MSANTD5: variants seen among roughly 807,000 people sequenced by gnomAD.
MSANTD5 encodes Myb/SANT DNA binding domain containing 5, also known as uncharacterized protein MSANTD5.
chr5:178,700,448 G>A (rs116784213), upstream of MSANTD5, among the ~76,000 whole-genome samples: 2,194 of 152,220 alleles, frequency 0.014, 57 homozygotes, highest in African/African-American at 0.051. Context: ...TTATTCTAAC[G>A]CTAGTCTGGC....
downstream of MSANTD5, among the ~76,000 whole-genome samples, chr5:178,691,558 T>A (rs1167751462): frequency 2.2e-5 from 3 of 136,112 alleles, 1 homozygote; most frequent in Non-Finnish European, 3.3e-5. Context: ...AAATTGTACC[T>A]CACAAAGTCT....
At chr5:178,699,512 A>G (rs1008336558), upstream of MSANTD5, among the ~76,000 whole-genome samples, 1 of 151,606 alleles carries the variant, frequency 6.6e-6, no homozygotes, top group Non-Finnish European at 1.5e-5. Flanking sequence ...CCTGGCTTCA[A>G]GCAATTCTCC....
At chr5:178,693,398 G>A (rs111342108), downstream of MSANTD5, among the ~76,000 whole-genome samples, 179 of 151,860 alleles carry the variant, frequency 1.2e-3, 3 homozygotes, top group Non-Finnish European at 4.6e-4. Context: ...ATGTACCTTC[G>A]CGGTGAGTGT....
chr5:178,706,199 A>C, the MSANTD5 span, among the ~76,000 whole-genome samples: 1 of 152,078 alleles, frequency 6.6e-6, no homozygotes, highest in Non-Finnish European at 1.5e-5. Context: ...CCAACATTGG[A>C]CTTCTGGGAT....
At chr5:178,700,418 T>C (rs1440096886), upstream of MSANTD5, among the ~76,000 whole-genome samples, 1 of 152,176 alleles carries the variant, frequency 6.6e-6, no homozygotes, top group Non-Finnish European at 1.5e-5. Context: ...GGCTGGTCAC[T>C]GTGGAGAAAA....
chr5:178,697,381 G>T (rs1011759886), intron 1 of MSANTD5, among the ~76,000 whole-genome samples: 4 of 152,136 alleles, frequency 2.6e-5, no homozygotes, highest in Non-Finnish European at 5.9e-5. Context: ...CTGAACCCGG[G>T]AGGCGGAGGT....
exon 4 of MSANTD5, chr5:178,694,619 GGAGTCATTCACTAACA>G (rs1765391244): frequency 6.6e-6 from 1 of 152,242 alleles, no homozygotes; most frequent in Non-Finnish European, 1.5e-5. Context: ...AGGAGAGGAA[GGAGTCATTCACTAACA>G]CACACAGATT....
chr5:178,703,441 C>A, the MSANTD5 span, among the ~76,000 whole-genome samples: 1 of 152,140 alleles, frequency 6.6e-6, no homozygotes, highest in African/African-American at 2.4e-5. Flanking sequence ...GCAAAGCCTG[C>A]GACTTTCAAG....
intron 1 of MSANTD5, 71 bp downstream of exon 1, chr5:178,697,515 T>C (rs888555997): frequency 2.0e-5 from 3 of 152,138 alleles, no homozygotes; most frequent in African/African-American, 7.2e-5. Context: ...GCAAAAATTC[T>C]TGTGAAATGA....
At chr5:178,695,571 T>G (rs1266259332) in exon 3 of MSANTD5, 1 of 152,206 alleles carries the variant, frequency 6.6e-6, no homozygotes. Flanking sequence ...CCGGATTTCC[T>G]GGTCACTCCA....
downstream of MSANTD5, among the ~76,000 whole-genome samples, chr5:178,692,418 C>A (rs998744186): frequency 6.6e-6 from 1 of 151,192 alleles, no homozygotes; most frequent in Non-Finnish European, 1.5e-5. Flanking sequence ...AATTATTATA[C>A]ACCCAGAAAT....
At chr5:178,705,600 C>T in the MSANTD5 span, among the ~76,000 whole-genome samples, 1 of 152,176 alleles carries the variant, frequency 6.6e-6, no homozygotes. Flanking sequence ...GAGGGTGTGA[C>T]TGCCTTCAAC....
At chr5:178,699,210 T>C (rs1328298738), upstream of MSANTD5, among the ~76,000 whole-genome samples, 2 of 152,110 alleles carry the variant, frequency 1.3e-5, no homozygotes, top group African/African-American at 2.4e-5. Flanking sequence ...ATAGAAACTT[T>C]AGGCACCTCA....
chr5:178,702,291 C>CTTTTTTTTTTTTT (rs906079918), upstream of MSANTD5, among the ~76,000 whole-genome samples: 1 of 142,188 alleles, frequency 7.0e-6, no homozygotes, highest in African/African-American at 2.6e-5. Context: ...ATTTTTCTTT[C>CTTTTTTTTTTTTT]TTTTTTTTTC....
the MSANTD5 span, among the ~76,000 whole-genome samples, chr5:178,705,071 C>T: frequency 1.8e-4 from 27 of 151,064 alleles, no homozygotes; most frequent in South Asian, 2.9e-3. Flanking sequence ...TTTTTTGAGA[C>T]GGAATCTTGC....
chr5:178,698,702 C>T (rs903700142), upstream of MSANTD5, among the ~76,000 whole-genome samples: 6 of 150,046 alleles, frequency 4.0e-5, no homozygotes, highest in Admixed American at 2.0e-4. Context: ...GCCTCAGCCT[C>T]GCAGGTAGCT....
At chr5:178,697,227 G>A (rs1765423461) in intron 1 of MSANTD5, among the ~76,000 whole-genome samples, 1 of 152,060 alleles carries the variant, frequency 6.6e-6, no homozygotes, top group Non-Finnish European at 1.5e-5. Context: ...GGCCGAGGCG[G>A]GCGGATCACG....
upstream of MSANTD5, among the ~76,000 whole-genome samples, chr5:178,700,798 C>G (rs1765470180): frequency 6.6e-6 from 1 of 152,202 alleles, no homozygotes; most frequent in Non-Finnish European, 1.5e-5. Flanking sequence ...TTTCTGACAA[C>G]AGACGTAAGT....
At chr5:178,692,026 G>C (rs1765361660), downstream of MSANTD5, among the ~76,000 whole-genome samples, 4 of 130,286 alleles carry the variant, frequency 3.1e-5, 1 homozygote, top group South Asian at 9.5e-4. Context: ...ATTGCTGGTG[G>C]GGATGTAGAA....
Sources: allele counts gnomAD v4.1 joint callset (sites outside exome capture counted in the v4.1 genomes callset), GRCh38; gene constraint gnomAD v4.1.1; transcripts MANE v1.5; gene names NCBI Gene and HGNC (gene_info 2026-07-23, HGNC 2026-07-21).